BRAT1: variants seen among roughly 807,000 people sequenced by gnomAD.
The protein encoded by BRAT1 is integrator complex assembly factor BRAT1.
Under a neutral mutation model 70.6 loss-of-function variants are expected in BRAT1, and 74 were observed. That is an observed-to-expected ratio of 1.05 (90% CI 0.87 to 1.27). The LOEUF is 1.27. Among genes scored for constraint, BRAT1 ranks in the 50% most tolerant of loss-of-function variants. BRAT1 has a pLI of 0.00. For missense variants in BRAT1, 1,203 were observed against 1,098.2 expected (o/e 1.10, Z -1.35); for synonymous variants, 615 against 517.1 (o/e 1.19, Z -2.57).
intron 2 of BRAT1, 121 bp downstream of exon 2, chr7:2,554,184 C>A: frequency 7.4e-7 from 1 of 1,343,720 alleles, no homozygotes; most frequent in Non-Finnish European, 1.0e-6. Context: ...GGAAAGACAT[C>A]TGATTGGCAG....
intron 2 of BRAT1, among the ~76,000 whole-genome samples, chr7:2,551,642 T>C (rs1299861139): frequency 6.7e-6 from 1 of 149,298 alleles, no homozygotes; most frequent in East Asian, 2.0e-4. Flanking sequence ...TTCACGCCAT[T>C]GCACTCCATC....
intron 4 of BRAT1, 108 bp from the exon 5 acceptor site, chr7:2,544,070 GC>G (rs1480255640): frequency 2.3e-6 from 2 of 881,976 alleles, no homozygotes; most frequent in East Asian, 3.1e-5. Context: ...CCCCCAAGAT[GC>G]CCCCAAATGC....
intron 7 of BRAT1, 59 bp downstream of exon 7, chr7:2,542,061 C>T (rs1779214251): frequency 7.0e-7 from 1 of 1,425,106 alleles, no homozygotes; most frequent in Non-Finnish European, 9.4e-7. Flanking sequence ...CATCCATCTC[C>T]CTTCCCCCAG....
rs760319281 is a variant in BRAT1 at position 2,538,582 on chromosome 7, G to A, written c.1953C>T (p.Arg651=). The change falls in exon 14 of 14, where the codon CGC becomes CGT. Residue 651 remains arginine (R), a synonymous_variant. Coordinates refer to ENST00000340611, the MANE Select transcript of BRAT1 (RefSeq NM_152743.4). ...CGAGGGCCAGCTCCAGGCCCTGGGC[G>A]CGGACCTCCCAGTCCAGGTCTCGGC... is the stretch of plus-strand genomic sequence containing the variant. The part of the protein sequence containing the change: ...AASRDLDWEV[R]AQGLELALVF... The A allele has an allele frequency of 1.9e-5, 31 of 1,598,912 alleles. No individual in the cohort carries two copies. Among genetic ancestry groups the A allele is most frequent in the African/African-American group, 5.3e-5 (4 of 74,826 alleles).
rs1167444191 is a variant in BRAT1 at position 2,544,980 on chromosome 7, C to A, written c.359G>T (p.Arg120Leu). 12 of 1,567,930 alleles carry A rather than the reference C, an allele frequency of 7.7e-6. No individual in the cohort carries two copies. The highest frequency in any genetic ancestry group is 1.4e-5 in the African/African-American group (1 of 74,042). Residue 120 changes from arginine to leucine, a missense_variant, in exon 4 of 14, where the codon CGC (arginine) becomes CTC (leucine). By Grantham distance (102) the Arg-to-Leu change is moderately radical. Transcript: ENST00000340611. ...GRATWAVPTV[R>L]SGWIQGLRSL... ...GCGCAGGCCCTGGATCCAGCCGCTG[C>A]GCACGGTGGGGACGGCCCAGGTTGC...
At chr7:2,541,256 A>T in intron 9 of BRAT1, 42 bp downstream of exon 9, 1 of 1,523,008 alleles carries the variant, frequency 6.6e-7, no homozygotes, top group Non-Finnish European at 8.8e-7. Flanking sequence ...GAGTGGGGGC[A>T]CAGGGATAGC....
At chr7:2,546,291 G>T (rs1315808057) in intron 3 of BRAT1, among the ~76,000 whole-genome samples, 1 of 151,782 alleles carries the variant, frequency 6.6e-6, no homozygotes, top group Non-Finnish European at 1.5e-5. Context: ...AGATAACAAA[G>T]TTAGCCAGGT....
chr7:2,545,036 C>A lies in BRAT1; in HGVS notation c.303G>T (p.Gly101=). 1 of 1,510,570 alleles carries A rather than the reference C, an allele frequency of 6.6e-7. No homozygotes were observed. Among genetic ancestry groups the A allele is most frequent in the Non-Finnish European group, 8.9e-7 (1 of 1,128,242 alleles). The allele number at this position is 1,510,570 out of a possible 1,614,324, so 93.6% of individuals were successfully genotyped here. The part of the protein sequence containing the change: ...QYLQQGELLP[G]LFGEPGPLGR... ...CGAGGGGTCCTGGCTCCCCAAAGAG[C>A]CCTGGTAGTAACTCCCCCTGCTGGG... Residue 101 remains glycine (G), a synonymous_variant, in exon 4 of 14, where the codon GGG becomes GGT. Coordinates refer to ENST00000340611, the MANE Select transcript of BRAT1 (RefSeq NM_152743.4).
chr7:2,543,199 C>G lies in BRAT1; in HGVS notation c.923+5G>C. ...CCTCGGAATGAAATGCACCCCAGACCATACCAGTGCTCGAGCTTCAGGATC... is the reference window on the plus strand; with the variant it reads ...CCTCGGAATGAAATGCACCCCAGACGATACCAGTGCTCGAGCTTCAGGATC... On this transcript the variant is annotated splice_donor_5th_base_variant and intron_variant, in intron 6 of 13. Coordinates refer to ENST00000340611, the MANE Select transcript of BRAT1 (RefSeq NM_152743.4). The surrounding 1 kb of genome is among the most constrained non-coding windows in gnomAD (Gnocchi z 5.5). 6.2e-7 allele frequency: 1 copy of G among 1,600,760 alleles called. No homozygotes were observed. The highest frequency in any genetic ancestry group is 8.5e-7 in the Non-Finnish European group (1 of 1,173,950).
rs1281195980 is a variant in BRAT1, at chr7:2,547,461, G to T, written c.145C>A (p.Leu49Met). 1 of 1,614,048 alleles carries T rather than the reference G, an allele frequency of 6.2e-7. No individual in the cohort carries two copies. The highest frequency in any genetic ancestry group is 1.7e-5 in the Admixed American group (1 of 60,026). Residue 49 changes from leucine to methionine, a missense_variant, in exon 3 of 14, where the codon CTG becomes ATG. Physicochemically the swap from Leu to Met is conservative, Grantham distance 15. Transcript: ENST00000340611. ...VTEGESSVVLLQEHPCLVELL... is the reference protein window; with the variant it reads ...VTEGESSVVLMQEHPCLVELL... ...TCCACCAGGCAGGGGTGCTCCTGCAGCAGCACGACACTGGACTCTGTGGGG... is the reference window on the plus strand; with the variant it reads ...TCCACCAGGCAGGGGTGCTCCTGCATCAGCACGACACTGGACTCTGTGGGG...
At chr7:2,552,664 T>C (rs1001456948) in intron 2 of BRAT1, among the ~76,000 whole-genome samples, 1 of 151,640 alleles carries the variant, frequency 6.6e-6, no homozygotes, top group Non-Finnish European at 1.5e-5. Flanking sequence ...ATGCAGTCTA[T>C]CCCAATGCAA....
intron 1 of BRAT1, among the ~76,000 whole-genome samples, chr7:2,554,938 G>T (rs765255634): frequency 3.3e-4 from 50 of 152,118 alleles, no homozygotes; most frequent in Non-Finnish European, 5.3e-4. Context: ...GGGGGGTGCG[G>T]AGGGGAAGGG....
chr7:2,542,824 C>A, intron 6 of BRAT1: 1 of 175,044 alleles, frequency 5.7e-6, no homozygotes, highest in East Asian at 1.8e-4. Flanking sequence ...GCCGTTGCAC[C>A]GCCCCCAGGC....
chr7:2,551,512 G>A (rs1257582131), intron 2 of BRAT1, among the ~76,000 whole-genome samples: 1 of 151,286 alleles, frequency 6.6e-6, no homozygotes, highest in Admixed American at 6.6e-5. Flanking sequence ...ACAAGATGGT[G>A]AGACCTCATC....
intron 2 of BRAT1, 129 bp from the exon 3 acceptor site, chr7:2,547,607 G>GA (rs1562587315): frequency 1.0e-6 from 1 of 955,982 alleles, no homozygotes; most frequent in Non-Finnish European, 1.5e-6. Context: ...ATCCAACTGG[G>GA]AAAAAAATAT....
chr7:2,538,218 G>T lies in BRAT1; in HGVS notation c.2317C>A (p.Leu773Met). 1 of 1,609,758 alleles carries T rather than the reference G, an allele frequency of 6.2e-7. No homozygotes were observed. The change falls in exon 14 of 14, where the codon CTG (leucine) becomes ATG (methionine). Residue 773 changes from leucine to methionine, a missense_variant. By Grantham distance (15) the Leu-to-Met change is conservative (BLOSUM62 2). Coordinates refer to ENST00000340611, the MANE Select transcript of BRAT1 (RefSeq NM_152743.4). ...AGGTCTAGGGACCTGAGCATGGCCA[G>T]CACAGCCTCAGGCTCCTGGTCCCCT... Reference protein sequence around the residue: ...PPGDQEPEAVLAMLRSLDLEG... With the variant: ...PPGDQEPEAVMAMLRSLDLEG...
chr7:2,554,494 C>T (rs1780266204), intron 1 of BRAT1, 47 bp from the exon 2 acceptor site: 1 of 1,559,554 alleles, frequency 6.4e-7, no homozygotes, highest in Non-Finnish European at 8.7e-7. Context: ...ACTCCAGACC[C>T]AGCTCGCTCT....
At chr7:2,548,980 A>T (rs1779808001) in intron 2 of BRAT1, among the ~76,000 whole-genome samples, 1 of 152,136 alleles carries the variant, frequency 6.6e-6, no homozygotes, top group African/African-American at 2.4e-5. Flanking sequence ...AAACAAACAA[A>T]CAAACAAAAA....
chr7:2,543,993 AG>A lies in BRAT1; in HGVS notation c.431-32del. ...TAGGGGATGGGGGAAGAGAGGGAAA[AG>A]GGGGTGAGCCAGAATAGAGCTGGGG... On this transcript the variant is annotated intron_variant, in intron 4 of 13. Transcript: ENST00000340611. This position sits in a 1 kb window ranked among gnomAD's most constrained non-coding sequence, Gnocchi z 5.5. 1 of 1,511,192 alleles carries A rather than the reference AG, an allele frequency of 6.6e-7. No homozygotes were observed. Among genetic ancestry groups the A allele is most frequent in the Non-Finnish European group, 8.9e-7 (1 of 1,122,462 alleles). The allele number at this position is 1,511,192 out of a possible 1,614,324, so 93.6% of individuals were successfully genotyped here.
Sources: allele counts gnomAD v4.1 joint callset (sites outside exome capture counted in the v4.1 genomes callset), GRCh38; gene constraint gnomAD v4.1.1; non-coding constraint Gnocchi (gnomAD v3.1); transcripts MANE v1.5; gene names NCBI Gene and HGNC (gene_info 2026-07-23, HGNC 2026-07-21).